The following MYO16 variants were observed in gnomAD, a reference collection of about 807,000 sequenced individuals.
The protein encoded by MYO16 is unconventional myosin-XVI.
A neutral mutation model predicts 205.3 loss-of-function variants in MYO16; 94 were observed. The observed-to-expected ratio is 0.46, with a 90% confidence interval of 0.39 to 0.54. MYO16 has a LOEUF of 0.54. Among genes scored for constraint, MYO16 ranks in the 20% least tolerant of loss-of-function variants. The pLI is 0.00. For missense variants in MYO16, 2,315 were observed against 2,387.5 expected, an observed-to-expected ratio of 0.97 and a Z score of 0.63; for synonymous variants, 988 against 954.0, an observed-to-expected ratio of 1.04 and a Z score of -0.66.
intron 27 of MYO16, among the ~76,000 whole-genome samples, chr13:109,063,654 C>G (rs762123387): frequency 1.3e-5 from 2 of 152,156 alleles, no homozygotes; most frequent in African/African-American, 2.4e-5. Flanking sequence ...GCTCAATCTA[C>G]AGTATGTTGT....
chr13:109,096,905 G>A (rs1299042220), intron 27 of MYO16, among the ~76,000 whole-genome samples: 1 of 152,200 alleles, frequency 6.6e-6, no homozygotes, highest in Non-Finnish European at 1.5e-5. Flanking sequence ...GTTACAAAGT[G>A]GGACCTAAAT....
chr13:108,589,379 C>G, the MYO16 span, among the ~76,000 whole-genome samples: 2 of 152,048 alleles, frequency 1.3e-5, no homozygotes, highest in African/African-American at 4.8e-5. Flanking sequence ...CCCAGTATAG[C>G]CCTTGATGTT....
At chr13:109,087,265 A>G (rs1888461607) in intron 27 of MYO16, among the ~76,000 whole-genome samples, 3 of 152,252 alleles carry the variant, frequency 2.0e-5, no homozygotes, top group Admixed American at 2.0e-4. Context: ...TATTCTGAAC[A>G]GTAGATTCAT....
At chr13:108,783,609 C>T (rs1886371612) in intron 4 of MYO16, among the ~76,000 whole-genome samples, 1 of 152,102 alleles carries the variant, frequency 6.6e-6, no homozygotes, top group Non-Finnish European at 1.5e-5. Flanking sequence ...TTGGCTGTGT[C>T]CTCACCCAAA....
At chr13:108,776,565 G>A (rs931282272) in intron 4 of MYO16, among the ~76,000 whole-genome samples, 5 of 152,078 alleles carry the variant, frequency 3.3e-5, no homozygotes, top group Non-Finnish European at 5.9e-5. Flanking sequence ...CTGTACATGC[G>A]TGTATCCTTA....
At chr13:108,943,815 G>A (rs1477812353) in intron 16 of MYO16, among the ~76,000 whole-genome samples, 1 of 152,096 alleles carries the variant, frequency 6.6e-6, no homozygotes, top group African/African-American at 2.4e-5. Flanking sequence ...TCAATCTCCT[G>A]ACCTCGTGAT....
In MYO16 at chr13:108,907,860, C is replaced by T. The variant is rs116162312; in HGVS notation, c.1778-2143C>T. Among the ~76,000 whole-genome samples the T allele has an allele frequency of 8.2e-3, 1,255 of 152,192 alleles. 15 individuals are homozygous for T. Among genetic ancestry groups the T allele is most frequent in the African/African-American group, 0.029 (1,193 of 41,516 alleles). ...TTGGCTGGGATAGATGGGGGTTAGC[C>T]AACCATTTCTCCAAGAACAAGATGA... On this transcript the variant is annotated intron_variant, in intron 15 of 34. Transcript: ENST00000457511.
intron 33 of MYO16, chr13:109,166,649 T>C (rs1409211390): frequency 6.6e-6 from 1 of 152,216 alleles, no homozygotes; most frequent in Non-Finnish European, 1.5e-5. Flanking sequence ...CTTCACGGGA[T>C]CCAGCAATCT....
At chr13:108,777,541 G>T (rs1247808346) in intron 4 of MYO16, among the ~76,000 whole-genome samples, 1 of 152,092 alleles carries the variant, frequency 6.6e-6, no homozygotes, top group East Asian at 1.9e-4. Flanking sequence ...GCTGGTTCTG[G>T]CAATCAGGAA....
chr13:109,118,196 C>A (rs1875818467), intron 28 of MYO16, among the ~76,000 whole-genome samples: 1 of 152,206 alleles, frequency 6.6e-6, no homozygotes, highest in South Asian at 2.1e-4. Flanking sequence ...AAAGCTGTTT[C>A]TTGGACATAA....
chr13:108,838,482 T>C (rs1877048766), intron 9 of MYO16, among the ~76,000 whole-genome samples: 1 of 148,562 alleles, frequency 6.7e-6, no homozygotes, highest in Non-Finnish European at 1.5e-5. Context: ...AATTTCATAA[T>C]GAAACCCTGT....
intron 1 of MYO16, among the ~76,000 whole-genome samples, chr13:108,631,387 C>A (rs1383878168): frequency 1.3e-5 from 2 of 152,106 alleles, no homozygotes; most frequent in Admixed American, 6.6e-5. Context: ...CCCTTTCCTG[C>A]CTTTTGTTCT....
intron 33 of MYO16, among the ~76,000 whole-genome samples, chr13:109,179,274 T>A (rs367818683): frequency 6.6e-6 from 1 of 152,222 alleles, no homozygotes; most frequent in Non-Finnish European, 1.5e-5. Context: ...CCAATACTTA[T>A]CTGCTCACTT....
chr13:109,117,394 ATATG>A (rs1444763581), intron 28 of MYO16, among the ~76,000 whole-genome samples: 2 of 146,966 alleles, frequency 1.4e-5, no homozygotes, highest in Non-Finnish European at 3.0e-5. Context: ...GCGTGTGTAT[ATATG>A]TATATATATA....
intron 2 of MYO16, among the ~76,000 whole-genome samples, chr13:108,704,358 ATCTT>A (rs1215358211): frequency 6.6e-6 from 1 of 152,200 alleles, no homozygotes; most frequent in East Asian, 1.9e-4. Flanking sequence ...ATAAACACTC[ATCTT>A]TCTTTAAGAA....
At chr13:108,646,247 T>C (rs984795644) in intron 1 of MYO16, among the ~76,000 whole-genome samples, 1 of 152,238 alleles carries the variant, frequency 6.6e-6, no homozygotes, top group Non-Finnish European at 1.5e-5. Context: ...ATCCATGATG[T>C]AGTTTTTAGC....
At chr13:108,886,138 C>T (rs189106497) in intron 13 of MYO16, among the ~76,000 whole-genome samples, 131 of 152,210 alleles carry the variant, frequency 8.6e-4, no homozygotes, top group African/African-American at 3.0e-3. Flanking sequence ...CAGGCGCCCG[C>T]CATCACGCCC....
At chr13:108,546,486 C>G in the MYO16 span, among the ~76,000 whole-genome samples, 1 of 152,106 alleles carries the variant, frequency 6.6e-6, no homozygotes, top group Non-Finnish European at 1.5e-5. Context: ...CTATTTCTCT[C>G]TCCCCATGAC....
chr13:109,000,477 T>C (rs1258223087), intron 21 of MYO16, among the ~76,000 whole-genome samples: 2 of 152,346 alleles, frequency 1.3e-5, no homozygotes, highest in East Asian at 1.9e-4. Context: ...TTGCATTTCA[T>C]TCTGAATCAT....
Sources: allele counts gnomAD v4.1 joint callset (sites outside exome capture counted in the v4.1 genomes callset), GRCh38; gene constraint gnomAD v4.1.1; transcripts MANE v1.5; gene names NCBI Gene and HGNC (gene_info 2026-07-23, HGNC 2026-07-21).